The following PRRX1 variants were observed in gnomAD, a reference collection of about 807,000 sequenced individuals.
PRRX1 encodes paired related homeobox 1.
In PRRX1, 8 loss-of-function variants were observed where a neutral mutation model predicts 24.0. That is an observed-to-expected ratio of 0.33 (90% CI 0.20 to 0.60). PRRX1 has a LOEUF of 0.60. PRRX1 is among the 20% of genes least tolerant of loss of function. The probability of loss-of-function intolerance (pLI) is 0.82; values close to 1 mark genes in which losing one functional copy is unlikely to be tolerated. For synonymous variants in PRRX1, 160 were observed against 131.7 expected (o/e 1.22, Z -1.47); for missense variants, 281 against 322.4 (o/e 0.87, Z 0.98).
At chr1:170,722,246 A>G (rs1655114185) in intron 2 of PRRX1, among the ~76,000 whole-genome samples, 1 of 152,132 alleles carries the variant, frequency 6.6e-6, no homozygotes, top group African/African-American at 2.4e-5. Flanking sequence ...CATTTATGGC[A>G]TTTATCATAA....
At chr1:170,681,839 A>G (rs1255135215) in intron 1 of PRRX1, among the ~76,000 whole-genome samples, 1 of 152,230 alleles carries the variant, frequency 6.6e-6, no homozygotes, top group East Asian at 1.9e-4. Flanking sequence ...ATCACCTAAT[A>G]TTGAATTGTA....
intron 1 of PRRX1, among the ~76,000 whole-genome samples, chr1:170,679,624 C>T (rs1199940411): frequency 1.3e-5 from 2 of 152,132 alleles, no homozygotes; most frequent in Admixed American, 1.3e-4. Flanking sequence ...TGGTCTCGAT[C>T]TCCTGACCTT....
chr1:170,719,914 G>A lies in PRRX1; in HGVS notation c.417+13G>A, dbSNP rs546319208. The A allele has an allele frequency of 6.2e-7, 1 of 1,613,578 alleles. No individual in the cohort carries two copies. Among genetic ancestry groups the A allele is most frequent in the South Asian group, 1.1e-5 (1 of 91,066 alleles). ...GGCGAGAGTGCAGGTAACTCAAGCT[G>A]TGAGAGGCTGGCACCAAGTAGTACC... is the stretch of plus-strand genomic sequence containing the variant. On this transcript the variant is annotated intron_variant, in intron 2 of 3. Coordinates refer to ENST00000239461, the MANE Select transcript of PRRX1 (RefSeq NM_022716.4).
At chr1:170,717,651 A>G (rs559139940) in intron 1 of PRRX1, among the ~76,000 whole-genome samples, 1 of 152,014 alleles carries the variant, frequency 6.6e-6, no homozygotes, top group Non-Finnish European at 1.5e-5. Context: ...CATGAAATTC[A>G]GATAATTGTG....
At chr1:170,685,909 A>G (rs1653717293) in intron 1 of PRRX1, among the ~76,000 whole-genome samples, 1 of 151,988 alleles carries the variant, frequency 6.6e-6, no homozygotes, top group Non-Finnish European at 1.5e-5. Flanking sequence ...AAGTCAGACT[A>G]TTGAGAGTTA....
chr1:170,730,423 T>C (rs1655400530), intron 3 of PRRX1: 1 of 1,298,334 alleles, frequency 7.7e-7, no homozygotes, highest in African/African-American at 1.5e-5. Flanking sequence ...TTTAAGAAAG[T>C]GGGGGTTGCA....
At chr1:170,704,216 A>G (rs1018469203) in intron 1 of PRRX1, among the ~76,000 whole-genome samples, 4 of 152,230 alleles carry the variant, frequency 2.6e-5, no homozygotes, top group Admixed American at 1.3e-4. Context: ...ATGAAATAAC[A>G]TAAGTAAGTG....
At chr1:170,731,685 C>T (rs548858472) in intron 3 of PRRX1, among the ~76,000 whole-genome samples, 1 of 152,106 alleles carries the variant, frequency 6.6e-6, no homozygotes, top group South Asian at 2.1e-4. Context: ...AATGATTTGT[C>T]CCAGTGAAAA....
chr1:170,663,468 G>A (rs1396545134), upstream of PRRX1: 1 of 134,896 alleles, frequency 7.4e-6, no homozygotes, highest in South Asian at 2.7e-4. Context: ...ACCCTCCGTC[G>A]GACTCTTGAA....
intron 1 of PRRX1, among the ~76,000 whole-genome samples, chr1:170,674,851 C>G (rs1461266442): frequency 2.0e-5 from 3 of 152,116 alleles, no homozygotes; most frequent in Non-Finnish European, 4.4e-5. Context: ...ACGGGACTAT[C>G]AAGACACCAA....
intron 1 of PRRX1, among the ~76,000 whole-genome samples, chr1:170,699,140 A>AG (rs1249641307): frequency 6.6e-6 from 1 of 152,130 alleles, no homozygotes; most frequent in East Asian, 1.9e-4. Flanking sequence ...ATACAGTGGA[A>AG]GTCTGTGGTG....
At chr1:170,665,005 G>A (rs557105396) in intron 1 of PRRX1, among the ~76,000 whole-genome samples, 1 of 152,248 alleles carries the variant, frequency 6.6e-6, no homozygotes, top group African/African-American at 2.4e-5. Flanking sequence ...GGGCGCGACC[G>A]GGAGGCCCCG....
At chr1:170,675,518 CTATATAA>C (rs1653290358) in intron 1 of PRRX1, among the ~76,000 whole-genome samples, 11 of 151,998 alleles carry the variant, frequency 7.2e-5, no homozygotes, top group African/African-American at 2.7e-4. Context: ...AAATGATTTA[CTATATAA>C]AGGTATTTCT....
At chr1:170,734,988 CAT>C (rs547765887) in intron 3 of PRRX1, among the ~76,000 whole-genome samples, 27 of 152,250 alleles carry the variant, frequency 1.8e-4, no homozygotes, top group African/African-American at 5.5e-4. Flanking sequence ...CAGAAGAGCA[CAT>C]GTCATTCCAT....
At chr1:170,700,817 G>T (rs1384700004) in intron 1 of PRRX1, among the ~76,000 whole-genome samples, 1 of 152,146 alleles carries the variant, frequency 6.6e-6, no homozygotes, top group Admixed American at 6.5e-5. Flanking sequence ...TGTTGGGAAA[G>T]GTCCTCTACC....
intron 1 of PRRX1, among the ~76,000 whole-genome samples, chr1:170,717,271 G>A (rs1220753346): frequency 6.6e-6 from 1 of 152,200 alleles, no homozygotes; most frequent in African/African-American, 2.4e-5. Context: ...CCCACATCAG[G>A]GGAGTTGGTG....
chr1:170,717,218 A>G (rs958412291), intron 1 of PRRX1, among the ~76,000 whole-genome samples: 2 of 152,214 alleles, frequency 1.3e-5, no homozygotes, highest in Non-Finnish European at 2.9e-5. Context: ...CATCATAGCT[A>G]TTTATTCCCT....
intron 1 of PRRX1, among the ~76,000 whole-genome samples, chr1:170,707,686 A>G (rs1311851385): frequency 2.0e-5 from 3 of 152,200 alleles, no homozygotes; most frequent in Non-Finnish European, 2.9e-5. Flanking sequence ...TGCCATTTTA[A>G]TCAAATAGAT....
At position 170,736,049 on chromosome 1, in the gene PRRX1, G is replaced by A. The variant is rs755301434; in HGVS notation, c.601G>A (p.Ala201Thr). ...CTGCTCTCTCCTTTGTCCCTACAGC[G>A]CCATGGCTACTTATTCTGCCACATG... ...LSWGTASPYS[A>T]MATYSATCAN... Residue 201 changes from alanine (A) to threonine (T), a missense_variant and splice_region_variant, in exon 4 of 4, where the codon GCC becomes ACC. Ala to Thr is a moderately conservative substitution (Grantham distance 58). Transcript: ENST00000239461. 1.8e-5 allele frequency: 29 copies of A among 1,613,810 alleles called. No homozygotes were observed. Among genetic ancestry groups the A allele is most frequent in the East Asian group, 4.5e-5 (2 of 44,886 alleles).
Sources: gnomAD v4.1 joint callset for allele counts (sites outside exome capture counted in the v4.1 genomes callset) on GRCh38, gnomAD v4.1.1 for gene constraint, MANE v1.5 for transcripts, NCBI Gene and HGNC (gene_info 2026-07-23, HGNC 2026-07-21) for gene names.